Variants in MAML2 observed in about 807,000 individuals in gnomAD.
MAML2 encodes the protein mastermind-like protein 2.
A neutral mutation model predicts 96.1 loss-of-function variants in MAML2; 22 were observed. That is an observed-to-expected ratio of 0.23 (90% CI 0.16 to 0.33). MAML2 has a LOEUF of 0.33. Among genes scored for constraint, MAML2 ranks in the 10% least tolerant of loss-of-function variants. The probability of loss-of-function intolerance (pLI) is 1.00; values close to 1 mark genes in which losing one functional copy is unlikely to be tolerated. For missense variants in MAML2, 1,367 were observed against 1,392.4 expected, an observed-to-expected ratio of 0.98 and a Z score of 0.29; for synonymous variants, 561 against 521.3, an observed-to-expected ratio of 1.08 and a Z score of -1.04.
intron 2 of MAML2, among the ~76,000 whole-genome samples, chr11:95,993,048 T>A (rs1444972782): frequency 1.3e-5 from 2 of 151,944 alleles, no homozygotes; most frequent in East Asian, 3.9e-4. Context: ...GGCTAATTTT[T>A]AAATTTTTTT....
chr11:96,316,980 G>A (rs950406864), intron 1 of MAML2, among the ~76,000 whole-genome samples: 2 of 152,150 alleles, frequency 1.3e-5, no homozygotes, highest in African/African-American at 4.8e-5. Context: ...CCCCACTCTG[G>A]TGGACACTTT....
intron 1 of MAML2, among the ~76,000 whole-genome samples, chr11:96,246,411 A>G (rs1182555636): frequency 2.6e-5 from 4 of 152,134 alleles, no homozygotes; most frequent in Admixed American, 6.6e-5. Flanking sequence ...GTTGAACTAC[A>G]TACAAAATGC....
intron 2 of MAML2, among the ~76,000 whole-genome samples, chr11:96,034,922 A>T (rs1423029932): frequency 6.6e-6 from 1 of 152,176 alleles, no homozygotes; most frequent in Non-Finnish European, 1.5e-5. Context: ...GCCCTTAGTC[A>T]CATGGGGAAG....
intron 1 of MAML2, among the ~76,000 whole-genome samples, chr11:96,110,727 C>A (rs1238749624): frequency 3.3e-5 from 5 of 152,086 alleles, no homozygotes. Flanking sequence ...AAAAAAAATA[C>A]TCCATGGGAG....
rs538302044 is a variant in MAML2 at position 96,253,972 on chromosome 11, G to A, written c.513+87411C>T. The stretch of plus-strand genomic sequence containing the variant: ...TATCAGACATATTTAAGGAAGTGAT[G>A]AGAAGTCTTTGCAAAGGTATATAAG... On this transcript the variant is annotated intron_variant, in intron 1 of 4. Transcript: ENST00000524717. Among the ~76,000 whole-genome samples the A allele has an allele frequency of 2.6e-5, 4 of 152,294 alleles. No homozygotes were observed. In the South Asian group the frequency reaches 6.2e-4, roughly 24 times the overall value.
At chr11:96,096,299 T>G (rs1013739728) in intron 1 of MAML2, among the ~76,000 whole-genome samples, 6 of 152,170 alleles carry the variant, frequency 3.9e-5, no homozygotes, top group African/African-American at 1.4e-4. Flanking sequence ...GTAGAGACAG[T>G]AATAGAATTA....
rs1565182895 is a variant in MAML2 at position 95,991,650 on chromosome 11, C to G, written c.2213G>C (p.Gly738Ala). 26 of 1,613,734 alleles carry G rather than the reference C, an allele frequency of 1.6e-5. No homozygotes were observed. Among genetic ancestry groups the G allele is most frequent in the East Asian group, 1.6e-4 (7 of 44,890 alleles). The change falls in exon 3 of 5, where the codon GGA becomes GCA. Residue 738 changes from glycine (G) to alanine (A), a missense_variant. By Grantham distance (60) the Gly-to-Ala change is moderately conservative (BLOSUM62 0). Transcript: ENST00000524717. ...TTGCTGGGAGTTCATGTAACCACTTCCAGTGTTTGGATTTGAGCAGGGGTT... is the reference window on the plus strand; with the variant it reads ...TTGCTGGGAGTTCATGTAACCACTTGCAGTGTTTGGATTTGAGCAGGGGTT... ...SPNPCSNPNT[G>A]SGYMNSQQSL...
intron 1 of MAML2, among the ~76,000 whole-genome samples, chr11:96,125,034 ATTATT>A: frequency 6.6e-6 from 1 of 152,252 alleles, no homozygotes. Context: ...GAGTCATTTT[ATTATT>A]TTATTATTAC....
intron 2 of MAML2, among the ~76,000 whole-genome samples, chr11:96,081,929 T>C (rs1859534581): frequency 6.6e-6 from 1 of 152,230 alleles, no homozygotes; most frequent in South Asian, 2.1e-4. Flanking sequence ...ATATTAAAAT[T>C]CATATAAAAT....
At chr11:96,061,122 T>A (rs1302025331) in intron 2 of MAML2, among the ~76,000 whole-genome samples, 1 of 152,208 alleles carries the variant, frequency 6.6e-6, no homozygotes, top group African/African-American at 2.4e-5. Context: ...GAACAATAAT[T>A]GTTTGTTCTA....
intron 2 of MAML2, among the ~76,000 whole-genome samples, chr11:95,992,598 T>C (rs1326885547): frequency 6.6e-6 from 1 of 152,244 alleles, no homozygotes; most frequent in Non-Finnish European, 1.5e-5. Flanking sequence ...GTTATCACCT[T>C]AGAGAATTTA....
intron 1 of MAML2, among the ~76,000 whole-genome samples, chr11:96,266,393 A>C (rs1044701392): frequency 5.3e-5 from 8 of 151,688 alleles, no homozygotes; most frequent in African/African-American, 1.9e-4. Flanking sequence ...ACACGGTAAA[A>C]CCCCATCTCT....
At chr11:96,153,009 G>A (rs1860948456) in intron 1 of MAML2, among the ~76,000 whole-genome samples, 1 of 152,060 alleles carries the variant, frequency 6.6e-6, no homozygotes, top group Non-Finnish European at 1.5e-5. Flanking sequence ...CAGAATGCAG[G>A]GTAGTTTTAC....
intron 2 of MAML2, among the ~76,000 whole-genome samples, chr11:96,033,782 T>G (rs1432522657): frequency 6.6e-6 from 1 of 152,146 alleles, no homozygotes; most frequent in Non-Finnish European, 1.5e-5. Flanking sequence ...GGGTTTCATC[T>G]CTCATCACGA....
chr11:96,303,557 A>G (rs904229773), intron 1 of MAML2, among the ~76,000 whole-genome samples: 1 of 152,104 alleles, frequency 6.6e-6, no homozygotes, highest in African/African-American at 2.4e-5. Flanking sequence ...GCCCATATAA[A>G]TTTTTTATAA....
At chr11:96,168,931 GGT>G (rs1861236764) in intron 1 of MAML2, among the ~76,000 whole-genome samples, 1 of 152,126 alleles carries the variant, frequency 6.6e-6, no homozygotes, top group South Asian at 2.1e-4. Context: ...TGGTATTTAG[GGT>G]GCCTAGTGGT....
At chr11:96,056,573 C>T (rs1307609706) in intron 2 of MAML2, among the ~76,000 whole-genome samples, 2 of 152,084 alleles carry the variant, frequency 1.3e-5, no homozygotes, top group Non-Finnish European at 2.9e-5. Flanking sequence ...CTGCCACAGC[C>T]GCTGTTAATA....
intron 1 of MAML2, among the ~76,000 whole-genome samples, chr11:96,259,560 G>T (rs1211526223): frequency 6.6e-6 from 1 of 152,122 alleles, no homozygotes; most frequent in African/African-American, 2.4e-5. Context: ...TTCTCCTGTG[G>T]GTATGCTGGA....
chr11:96,013,346 T>C (rs1362729445), intron 2 of MAML2, among the ~76,000 whole-genome samples: 1 of 152,196 alleles, frequency 6.6e-6, no homozygotes, highest in Non-Finnish European at 1.5e-5. Flanking sequence ...ATGTAGTAGA[T>C]TATAACTAGT....
Sources: gnomAD v4.1 joint callset for allele counts (sites outside exome capture counted in the v4.1 genomes callset) on GRCh38, gnomAD v4.1.1 for gene constraint, MANE v1.5 for transcripts, NCBI Gene and HGNC (gene_info 2026-07-23, HGNC 2026-07-21) for gene names.